MAP3K19: variants seen among roughly 807,000 people sequenced by gnomAD.
The protein encoded by MAP3K19 is SPS1/STE20-related protein kinase YSK4.
In MAP3K19, 91 loss-of-function variants were observed where a neutral mutation model predicts 114.4. That is an observed-to-expected ratio of 0.80 (90% CI 0.67 to 0.95). The LOEUF is 0.95. Among genes scored for constraint, MAP3K19 ranks in the 40% least tolerant of loss-of-function variants. MAP3K19 has a pLI of 0.00. For synonymous variants in MAP3K19, 518 were observed against 530.5 expected (o/e 0.98, Z 0.32); for missense variants, 1,471 against 1,573.2 (o/e 0.94, Z 1.10).
At chr2:135,018,281 C>CA (rs781510594) in intron 5 of MAP3K19, among the ~76,000 whole-genome samples, 11,436 of 57,814 alleles carry the variant, frequency 0.2, 1,229 homozygotes, top group African/African-American at 0.3. Flanking sequence ...GCAACAACAG[C>CA]AAAAAAAAAA....
intron 8 of MAP3K19, among the ~76,000 whole-genome samples, chr2:134,994,856 T>C (rs2105271939): frequency 6.6e-6 from 1 of 152,296 alleles, no homozygotes; most frequent in Middle Eastern, 3.4e-3. Context: ...AACTGATATG[T>C]GAGGAAATGC....
At chr2:134,978,803 G>A (rs1459530593) in intron 12 of MAP3K19, among the ~76,000 whole-genome samples, 1 of 152,138 alleles carries the variant, frequency 6.6e-6, no homozygotes, top group African/African-American at 2.4e-5. Flanking sequence ...AGTCTCAAGC[G>A]ACATCCATCC....
chr2:135,025,974 C>T (rs1393868715), intron 3 of MAP3K19, among the ~76,000 whole-genome samples: 1 of 152,212 alleles, frequency 6.6e-6, no homozygotes, highest in African/African-American at 2.4e-5. Context: ...ATCATGGTCT[C>T]TGTCCTAAAA....
At chr2:135,044,497 G>A (rs1246084319) in intron 1 of MAP3K19, among the ~76,000 whole-genome samples, 1 of 152,190 alleles carries the variant, frequency 6.6e-6, no homozygotes, top group African/African-American at 2.4e-5. Flanking sequence ...GGCTGAGGCA[G>A]GAGAATCACT....
chr2:134,987,024 G>T lies in MAP3K19; in HGVS notation c.1848C>A (p.Cys616Ter). Residue 616 changes from cysteine to a stop codon, truncating the protein, a stop_gained, in exon 10 of 13, where the codon TGC becomes TGA. Coordinates refer to ENST00000392915, the MANE Select transcript of MAP3K19 (RefSeq NM_025052.5). LOFTEE classifies it high-confidence loss of function. Reference sequence around the variant, plus strand: ...TCTGTGTTCCTGGATTTTTACAGATGCAAGGAAATGATTGCTTTTTAGGTT... The same window carrying T: ...TCTGTGTTCCTGGATTTTTACAGATTCAAGGAAATGATTGCTTTTTAGGTT... ...TQKPKKQSFP[C>*]ICKNPGTQKS... The T allele has an allele frequency of 6.2e-7, 1 of 1,613,190 alleles. No homozygotes were observed.
At chr2:135,003,144 G>A (rs1349038713) in intron 6 of MAP3K19, among the ~76,000 whole-genome samples, 4 of 152,172 alleles carry the variant, frequency 2.6e-5, no homozygotes, top group Middle Eastern at 3.2e-3. Flanking sequence ...CAACCAGGAA[G>A]AGAGCCCTCA....
chr2:135,018,513 G>A (rs1219759187), intron 5 of MAP3K19, among the ~76,000 whole-genome samples: 2 of 152,122 alleles, frequency 1.3e-5, no homozygotes, highest in East Asian at 3.9e-4. Flanking sequence ...ATTTTTAAAA[G>A]TTCTTGTAGA....
rs190235030 is a variant in MAP3K19 at position 134,993,657 on chromosome 2, C to T, written c.575-2077G>A. Among the ~76,000 whole-genome samples the T allele has an allele frequency of 2.4e-4, 37 of 152,188 alleles. No homozygotes were observed. The East Asian group carries it at 5.6e-3, about 23-fold the overall frequency. On this transcript the variant is annotated intron_variant, in intron 8 of 12. Transcript: ENST00000392915. ...TAGCATCCTGAATTTTTTAAAAAAA[C>T]GCTTTCAAGTATTCTTATAAATATT...
chr2:135,010,712 C>G (rs1687158548), intron 5 of MAP3K19, among the ~76,000 whole-genome samples: 1 of 152,224 alleles, frequency 6.6e-6, no homozygotes, highest in Non-Finnish European at 1.5e-5. Flanking sequence ...ACTGCAGCCT[C>G]AAACTCCTGT....
chr2:135,008,178 A>G (rs1366717645), intron 5 of MAP3K19, among the ~76,000 whole-genome samples: 1 of 151,222 alleles, frequency 6.6e-6, no homozygotes. Context: ...GCTGGAGTGC[A>G]GTGGTGCGAC....
chr2:135,021,181 G>A (rs1017656341), intron 5 of MAP3K19, among the ~76,000 whole-genome samples: 2 of 151,976 alleles, frequency 1.3e-5, no homozygotes, highest in Non-Finnish European at 2.9e-5. Context: ...CCAATGTGAT[G>A]GCAAGTAGGA....
chr2:134,967,127 C>T (rs745573058), intron 12 of MAP3K19, among the ~76,000 whole-genome samples: 5 of 152,148 alleles, frequency 3.3e-5, no homozygotes, highest in Admixed American at 6.6e-5. Flanking sequence ...GTGCAGGATG[C>T]GCCTTGCTAA....
chr2:134,981,007 C>T lies in MAP3K19; in HGVS notation c.3734G>A (p.Gly1245Glu), dbSNP rs1684611100. The T allele has an allele frequency of 2.5e-6, 4 of 1,614,224 alleles. No homozygotes were observed. The highest frequency in any genetic ancestry group is 3.4e-6 in the Non-Finnish European group (4 of 1,180,048). The change falls in exon 12 of 13, where the codon GGA becomes GAA. Residue 1245 changes from glycine (G) to glutamate (E), a missense_variant. Transcript: ENST00000392915. ...AATGCTCCAGATATCTGATTTCCGT[C>T]CATAGCCAGACTCATTGATGACTTC... ...APEVINESGY[G>E]RKSDIWSIGC...
intron 3 of MAP3K19, among the ~76,000 whole-genome samples, chr2:135,027,555 G>A (rs547332182): frequency 1.1e-4 from 17 of 152,238 alleles, no homozygotes; most frequent in Middle Eastern, 3.4e-3. Flanking sequence ...CTTAGGAGCT[G>A]GGACAGAACT....
In MAP3K19 at chr2:134,986,420, A is replaced by T. The variant is rs1685111010; in HGVS notation, c.2452T>A (p.Ser818Thr). The T allele has an allele frequency of 3.1e-6, 5 of 1,613,846 alleles. No homozygotes were observed. The South Asian group carries it at 5.5e-5, about 18-fold the overall frequency. The change falls in exon 10 of 13, where the codon TCT (serine) becomes ACT (threonine). Residue 818 changes from serine to threonine, a missense_variant. Transcript: ENST00000392915. ...TTAGAAATGTCTCTATCACCAGTAG[A>T]CTCTTCCATAGAAACTTCTTCAACA... is the stretch of plus-strand genomic sequence containing the variant. ...SIVEEVSMEESTGDRDISNNQ... is the reference protein window; with the variant it reads ...SIVEEVSMEETTGDRDISNNQ...
intron 6 of MAP3K19, among the ~76,000 whole-genome samples, chr2:135,000,251 T>A (rs967459300): frequency 1.3e-5 from 2 of 152,174 alleles, no homozygotes; most frequent in African/African-American, 4.8e-5. Flanking sequence ...AGATGTAAAA[T>A]AAAGTTTTAT....
chr2:135,033,492 A>T (rs1183188930), intron 2 of MAP3K19, among the ~76,000 whole-genome samples: 1 of 100,806 alleles, frequency 9.9e-6, no homozygotes, highest in Non-Finnish European at 1.8e-5. Flanking sequence ...CTGGCCGGGC[A>T]GAGGGGCTCC....
intron 12 of MAP3K19, among the ~76,000 whole-genome samples, chr2:134,969,584 A>T (rs566979268): frequency 6.6e-6 from 1 of 152,104 alleles, no homozygotes; most frequent in Non-Finnish European, 1.5e-5. Flanking sequence ...CATTTTGCAA[A>T]TATTTTCTCC....
Position 134,968,005 on chromosome 2 carries a change from G to A in MAP3K19, c.3921-3089C>T, listed in dbSNP as rs370428161. Among the ~76,000 whole-genome samples the A allele has an allele frequency of 1.3e-3, 197 of 152,156 alleles. 2 individuals carry two copies. In the South Asian group the frequency reaches 0.026, roughly 20 times the overall value. ...GGTTTTCCTAGGCAGAGGACCCTGC[G>A]GCCTTCCGCAGTGTTTGTGTCCCTG... On this transcript the variant is annotated intron_variant, in intron 12 of 12. Coordinates refer to ENST00000392915, the MANE Select transcript of MAP3K19 (RefSeq NM_025052.5).
Sources: allele counts gnomAD v4.1 joint callset (sites outside exome capture counted in the v4.1 genomes callset), GRCh38; gene constraint gnomAD v4.1.1; transcripts MANE v1.5; gene names NCBI Gene and HGNC (gene_info 2026-07-23, HGNC 2026-07-21).